The following PRLR variants were observed in gnomAD, a reference collection of about 807,000 sequenced individuals.
PRLR encodes the protein hPRL receptor.
A neutral mutation model predicts 40.2 loss-of-function variants in PRLR; 13 were observed. The ratio of observed to expected loss-of-function variants is 0.32; its 90% CI spans 0.21 to 0.51. PRLR has a LOEUF of 0.51. PRLR is among the 20% of genes least tolerant of loss of function. PRLR has a pLI of 0.97. For missense variants in PRLR, 656 were observed against 747.3 expected (o/e 0.88, Z 1.42); for synonymous variants, 269 against 278.7 (o/e 0.97, Z 0.35).
At position 35,199,693 on chromosome 5, in the gene PRLR, T is replaced by C. The variant is rs1467865045; in HGVS notation, c.-106+30575A>G. Among the ~76,000 whole-genome samples the C allele has an allele frequency of 3.9e-5, 6 of 152,300 alleles. No homozygotes were observed. In the East Asian group the frequency reaches 9.7e-4, roughly 25 times the overall value. On this transcript the variant is annotated intron_variant, in intron 1 of 9. Transcript: ENST00000618457. ...GTACTACAGTAACCACATAACCTACTTGATATCCCCAAATAAAGTGATTGT... is the reference window on the plus strand; with the variant it reads ...GTACTACAGTAACCACATAACCTACCTGATATCCCCAAATAAAGTGATTGT...
chr5:35,102,781 G>A (rs904127503), intron 2 of PRLR, among the ~76,000 whole-genome samples: 1 of 152,148 alleles, frequency 6.6e-6, no homozygotes, highest in South Asian at 2.1e-4. Flanking sequence ...GACCTCAGGT[G>A]ATCCACCTGC....
At chr5:35,121,231 G>T (rs1347617746) in intron 1 of PRLR, among the ~76,000 whole-genome samples, 1 of 152,200 alleles carries the variant, frequency 6.6e-6, no homozygotes, top group African/African-American at 2.4e-5. Context: ...AAGGCTGAGT[G>T]TTTTAGAAGA....
intron 1 of PRLR, among the ~76,000 whole-genome samples, chr5:35,173,559 A>G (rs1375973771): frequency 1.3e-5 from 2 of 152,164 alleles, no homozygotes; most frequent in Non-Finnish European, 2.9e-5. Flanking sequence ...TAAGGAAAAA[A>G]TTGGCAAACA....
chr5:35,180,871 T>G (rs1169946665), intron 1 of PRLR, among the ~76,000 whole-genome samples: 1 of 152,188 alleles, frequency 6.6e-6, no homozygotes, highest in Non-Finnish European at 1.5e-5. Context: ...GAATGATGGT[T>G]TCCAGCTTCA....
intron 1 of PRLR, among the ~76,000 whole-genome samples, chr5:35,136,956 A>G (rs3039474): frequency 2.3e-5 from 3 of 131,090 alleles, no homozygotes; most frequent in East Asian, 2.2e-4. Context: ...AAAAGAAAAA[A>G]AAAAAAGCCT....
At chr5:35,216,858 T>A (rs759952138) in intron 1 of PRLR, among the ~76,000 whole-genome samples, 4 of 152,186 alleles carry the variant, frequency 2.6e-5, no homozygotes, top group Non-Finnish European at 4.4e-5. Flanking sequence ...TGGGGCAGGG[T>A]AAACAAAGGA....
chr5:35,163,575 C>G (rs1167184013), intron 1 of PRLR, among the ~76,000 whole-genome samples: 1 of 152,142 alleles, frequency 6.6e-6, no homozygotes, highest in Non-Finnish European at 1.5e-5. Flanking sequence ...CTATTCACTG[C>G]TGGTATTATC....
intron 1 of PRLR, among the ~76,000 whole-genome samples, chr5:35,198,447 G>C (rs1775795589): frequency 6.6e-6 from 1 of 152,158 alleles, no homozygotes; most frequent in Non-Finnish European, 1.5e-5. Context: ...CAAGCTTCTG[G>C]GGATGCCTAC....
At chr5:35,115,931 C>T (rs567824710) in intron 2 of PRLR, among the ~76,000 whole-genome samples, 54 of 152,184 alleles carry the variant, frequency 3.5e-4, no homozygotes, top group African/African-American at 1.3e-3. Flanking sequence ...GAGGGTCCCC[C>T]CCTCTGAATT....
At chr5:35,129,197 C>T (rs1433572300) in intron 1 of PRLR, among the ~76,000 whole-genome samples, 5 of 152,154 alleles carry the variant, frequency 3.3e-5, no homozygotes, top group Admixed American at 2.6e-4. Context: ...AGGAGTGAGA[C>T]AGGAACCAGG....
At chr5:35,227,961 T>C (rs963546424) in intron 1 of PRLR, among the ~76,000 whole-genome samples, 2 of 152,172 alleles carry the variant, frequency 1.3e-5, no homozygotes, top group Non-Finnish European at 2.9e-5. Context: ...CGGCAATACA[T>C]AGTGCTCTCC....
At chr5:35,227,586 T>A (rs1776583698) in intron 1 of PRLR, among the ~76,000 whole-genome samples, 2 of 152,254 alleles carry the variant, frequency 1.3e-5, no homozygotes, top group Admixed American at 1.3e-4. Flanking sequence ...CATGCAGGAA[T>A]ACCTCACCAA....
intron 5 of PRLR, among the ~76,000 whole-genome samples, chr5:35,081,046 T>TG (rs1030793306): frequency 4.6e-5 from 2 of 43,358 alleles, no homozygotes; most frequent in Admixed American, 7.7e-4. Context: ...TGTCATGGGG[T>TG]GGGGGGAGGG....
At chr5:35,172,532 C>T (rs750521934) in intron 1 of PRLR, among the ~76,000 whole-genome samples, 14 of 152,194 alleles carry the variant, frequency 9.2e-5, no homozygotes, top group Non-Finnish European at 1.3e-4. Flanking sequence ...CTGACCCTTC[C>T]GACATGGGTT....
chr5:35,217,631 A>G (rs1776315994), intron 1 of PRLR, among the ~76,000 whole-genome samples: 1 of 152,216 alleles, frequency 6.6e-6, no homozygotes, highest in Admixed American at 6.5e-5. Context: ...ATATTTTTGT[A>G]AAGGCTGGAG....
In PRLR at chr5:35,121,218, G is replaced by A. The variant is rs117476167; in HGVS notation, c.-105-3096C>T. Among the ~76,000 whole-genome samples the A allele has an allele frequency of 1.6e-4, 25 of 152,314 alleles. No homozygotes were observed. The East Asian group carries it at 4.4e-3, about 27-fold the overall frequency. ...TTTCTTGTCATTATAGGGGTTCAAA[G>A]CAAAGGCTGAGTGTTTTAGAAGAAT... is the stretch of plus-strand genomic sequence containing the variant. On this transcript the variant is annotated intron_variant, in intron 1 of 9. Coordinates refer to ENST00000618457, the MANE Select transcript of PRLR (RefSeq NM_000949.7).
chr5:35,048,859 C>T (rs1177165630), exon 9 of PRLR: 9 of 314,530 alleles, frequency 2.9e-5, no homozygotes, highest in Non-Finnish European at 5.1e-5. Context: ...CATGGCAGTG[C>T]CTAAGGGGGA....
intron 3 of PRLR, 82 bp downstream of exon 3, chr5:35,089,469 T>C (rs1771067687): frequency 3.3e-6 from 3 of 922,762 alleles, no homozygotes; most frequent in Admixed American, 1.9e-5. Flanking sequence ...CATAATGGCA[T>C]TGCAAGAAGA....
At chr5:35,219,263 T>C (rs367738911) in intron 1 of PRLR, among the ~76,000 whole-genome samples, 142 of 152,316 alleles carry the variant, frequency 9.3e-4, no homozygotes, top group African/African-American at 2.9e-3. Flanking sequence ...TGGCACAACA[T>C]AGTTACTAGG....
Sources: allele counts gnomAD v4.1 joint callset (sites outside exome capture counted in the v4.1 genomes callset), GRCh38; gene constraint gnomAD v4.1.1; transcripts MANE v1.5; gene names NCBI Gene and HGNC (gene_info 2026-07-23, HGNC 2026-07-21).